Variants in CCDC102B observed in about 807,000 individuals in gnomAD.
CCDC102B encodes the protein coiled-coil domain containing 102B, also known as coiled-coil domain-containing protein 102B.
In CCDC102B, 75 loss-of-function variants were observed where a neutral mutation model predicts 57.4. That is an observed-to-expected ratio of 1.31 (90% CI 1.08 to 1.58). The LOEUF (loss-of-function observed/expected upper bound fraction) is 1.58, where lower values mean the gene tolerates loss of function less well. Ranked by LOEUF, CCDC102B falls within the 40% of genes most tolerant of loss-of-function variation. CCDC102B has a pLI of 0.00. For missense variants in CCDC102B, 636 were observed against 582.6 expected (o/e 1.09, Z -0.94); for synonymous variants, 206 against 201.9 (o/e 1.02, Z -0.17).
intron 4 of CCDC102B, among the ~76,000 whole-genome samples, chr18:68,866,135 A>C (rs994158230): frequency 6.6e-6 from 1 of 152,236 alleles, no homozygotes; most frequent in African/African-American, 2.4e-5. Flanking sequence ...ATAATTATCC[A>C]AATATGTACT....
intron 2 of CCDC102B, among the ~76,000 whole-genome samples, chr18:68,777,223 A>G (rs2034851776): frequency 6.6e-6 from 1 of 152,186 alleles, no homozygotes; most frequent in South Asian, 2.1e-4. Context: ...ATACAAGATC[A>G]AGACGTACAC....
chr18:68,887,485 T>C (rs1296288931), intron 5 of CCDC102B, among the ~76,000 whole-genome samples: 1 of 152,182 alleles, frequency 6.6e-6, no homozygotes, highest in African/African-American at 2.4e-5. Flanking sequence ...AGTAAAAAGG[T>C]CAGGTGAGCT....
chr18:68,751,662 T>C (rs2033855727), intron 2 of CCDC102B, among the ~76,000 whole-genome samples: 1 of 152,058 alleles, frequency 6.6e-6, no homozygotes, highest in Admixed American at 6.6e-5. Flanking sequence ...ACCATGAAAA[T>C]AAGATTAATT....
At chr18:68,938,398 G>T (rs1201405419) in intron 6 of CCDC102B, among the ~76,000 whole-genome samples, 1 of 151,884 alleles carries the variant, frequency 6.6e-6, no homozygotes, top group African/African-American at 2.4e-5. Flanking sequence ...ACAGCATTTT[G>T]TGTATGGTAA....
At chr18:68,808,452 T>G (rs2036112611) in intron 1 of CCDC102B, among the ~76,000 whole-genome samples, 1 of 151,452 alleles carries the variant, frequency 6.6e-6, no homozygotes, top group Non-Finnish European at 1.5e-5. Context: ...CCATTGTTAT[T>G]TCATTGCTTT....
intron 7 of CCDC102B, among the ~76,000 whole-genome samples, chr18:69,038,997 C>G (rs965600778): frequency 6.6e-6 from 1 of 151,946 alleles, no homozygotes; most frequent in Non-Finnish European, 1.5e-5. Flanking sequence ...ATTAGCAAAG[C>G]CCTCGCATAT....
chr18:68,767,227 C>G (rs1236452683), intron 2 of CCDC102B, among the ~76,000 whole-genome samples: 1 of 152,164 alleles, frequency 6.6e-6, no homozygotes, highest in Non-Finnish European at 1.5e-5. Context: ...ATGTGTCCTC[C>G]CAGACCTCAT....
At chr18:68,788,761 G>T (rs1312079032) in intron 2 of CCDC102B, among the ~76,000 whole-genome samples, 1 of 151,512 alleles carries the variant, frequency 6.6e-6, no homozygotes, top group Non-Finnish European at 1.5e-5. Flanking sequence ...ACAGCACACT[G>T]ATGGGTCTTG....
intron 2 of CCDC102B, among the ~76,000 whole-genome samples, chr18:68,775,104 C>A (rs1455606507): frequency 6.6e-6 from 1 of 150,546 alleles, no homozygotes; most frequent in African/African-American, 2.4e-5. Context: ...ATCCCTCATT[C>A]TTTTTTACAA....
At chr18:68,790,161 C>T (rs2035383639) in intron 2 of CCDC102B, among the ~76,000 whole-genome samples, 1 of 150,982 alleles carries the variant, frequency 6.6e-6, no homozygotes. Context: ...GGGTCAGGGA[C>T]CCACTTGAGG....
Position 69,046,176 on chromosome 18 carries a change from C to G in CCDC102B, c.1435-7854C>G, listed in dbSNP as rs530082248. On this transcript the variant is annotated intron_variant, in intron 7 of 7. Transcript: ENST00000360242. ...TTAAGTATTTGGAGGAATCACCACA[C>G]TGCTTTCCCAGAATGGCTGAACTAA... Among the ~76,000 whole-genome samples the G allele has an allele frequency of 6.6e-4, 101 of 152,228 alleles. 3 individuals are homozygous for G. The South Asian group carries it at 0.013, about 20-fold the overall frequency.
chr18:68,948,679 T>C (rs1325509672), intron 6 of CCDC102B, among the ~76,000 whole-genome samples: 1 of 152,082 alleles, frequency 6.6e-6, no homozygotes, highest in African/African-American at 2.4e-5. Context: ...GCCTCTATTA[T>C]GCCTGTTCAC....
At chr18:68,795,807 C>G (rs182216781), upstream of CCDC102B, among the ~76,000 whole-genome samples, 5 of 152,216 alleles carry the variant, frequency 3.3e-5, no homozygotes, top group East Asian at 7.7e-4. Flanking sequence ...GGACACAATT[C>G]AACTCACCAA....
At chr18:68,855,043 G>A (rs1019669003) in intron 4 of CCDC102B, among the ~76,000 whole-genome samples, 2 of 152,136 alleles carry the variant, frequency 1.3e-5, no homozygotes, top group Admixed American at 1.3e-4. Flanking sequence ...CATATGTGAC[G>A]GGAGAGTTAG....
intron 1 of CCDC102B, among the ~76,000 whole-genome samples, chr18:68,814,288 G>A (rs1484177999): frequency 6.6e-6 from 1 of 151,982 alleles, no homozygotes; most frequent in African/African-American, 2.4e-5. Context: ...TTTTTTTCTA[G>A]GCTTTTTTTC....
chr18:68,907,399 T>G (rs1008818181), intron 6 of CCDC102B, among the ~76,000 whole-genome samples: 5 of 151,952 alleles, frequency 3.3e-5, no homozygotes, highest in African/African-American at 1.2e-4. Context: ...CTTTTCAGAG[T>G]ATTAACAGTT....
At chr18:68,885,392 T>C (rs1407815890) in intron 5 of CCDC102B, among the ~76,000 whole-genome samples, 3 of 152,044 alleles carry the variant, frequency 2.0e-5, no homozygotes, top group Non-Finnish European at 4.4e-5. Flanking sequence ...TAGATGAATA[T>C]ATCCATCCAA....
At position 69,054,673 on chromosome 18, in the gene CCDC102B, A is replaced by G. The variant is rs2052785648; in HGVS notation, c.*536A>G. 4 of 981,488 alleles carry G rather than the reference A, an allele frequency of 4.1e-6. No homozygotes were observed. The highest frequency in any genetic ancestry group is 5.2e-4 in the Middle Eastern group (1 of 1,910). The allele number at this position is 981,488 out of a possible 1,614,324, so 60.8% of individuals were successfully genotyped here. A position where few individuals can be genotyped will look rare whatever the true frequency, so the allele number is the denominator to read the frequency against. ...GTCATTTCTAATCTTTGTATAAAACAGAAGTGAGCAGATGAATCAGAAAAA... is the reference window on the plus strand; with the variant it reads ...GTCATTTCTAATCTTTGTATAAAACGGAAGTGAGCAGATGAATCAGAAAAA... On this transcript the variant is annotated 3_prime_UTR_variant, in exon 8 of 8. Transcript: ENST00000360242.
chr18:68,993,429 A>G (rs1489628234), intron 6 of CCDC102B: 1 of 152,242 alleles, frequency 6.6e-6, no homozygotes, highest in Non-Finnish European at 1.5e-5. Context: ...ACATACAGTT[A>G]TAGTGAAATG....
Sources: allele counts gnomAD v4.1 joint callset (sites outside exome capture counted in the v4.1 genomes callset), GRCh38; gene constraint gnomAD v4.1.1; transcripts MANE v1.5; gene names NCBI Gene and HGNC (gene_info 2026-07-23, HGNC 2026-07-21).